C7orf78: variants seen among roughly 807,000 people sequenced by gnomAD.
The protein encoded by C7orf78 is chromosome 7 open reading frame 78, also known as putative uncharacterized protein C7orf78.
the C7orf78 span, among the ~76,000 whole-genome samples, chr7:12,538,725 G>C: frequency 1.2e-4 from 18 of 152,054 alleles, 1 homozygote. Flanking sequence ...AATTCACTGT[G>C]TTTACAGAAC....
chr7:12,523,535 A>G, the C7orf78 span: 1 of 395,220 alleles, frequency 2.5e-6, no homozygotes, highest in Non-Finnish European at 4.5e-6. Flanking sequence ...GGAAAATGGT[A>G]TGTGTATATA....
the C7orf78 span, chr7:12,523,049 A>T: frequency 2.5e-6 from 1 of 398,300 alleles, no homozygotes; most frequent in African/African-American, 2.1e-5. Context: ...TATTGCAAAG[A>T]GGCTGCAATA....
the C7orf78 span, among the ~76,000 whole-genome samples, chr7:12,540,635 A>G: frequency 1.3e-5 from 2 of 152,232 alleles, no homozygotes; most frequent in Non-Finnish European, 1.5e-5. Flanking sequence ...TTGCATGTGC[A>G]TGCTTTCTGG....
At chr7:12,484,806 T>G in the C7orf78 span, among the ~76,000 whole-genome samples, 1 of 152,120 alleles carries the variant, frequency 6.6e-6, no homozygotes, top group South Asian at 2.1e-4. Context: ...GCTTTCTACT[T>G]TTGTCTGCTT....
At chr7:12,514,149 A>C in the C7orf78 span, among the ~76,000 whole-genome samples, 522 of 152,222 alleles carry the variant, frequency 3.4e-3, 1 homozygote, top group Non-Finnish European at 4.8e-3. Flanking sequence ...TGGGGTGTTC[A>C]AGTATCCCAC....
chr7:12,505,513 C>G, the C7orf78 span, among the ~76,000 whole-genome samples: 6 of 152,158 alleles, frequency 3.9e-5, no homozygotes, highest in Non-Finnish European at 7.4e-5. Flanking sequence ...TTGGAGGCAG[C>G]ATTTAAACTG....
At chr7:12,535,930 G>A in the C7orf78 span, among the ~76,000 whole-genome samples, 1 of 152,234 alleles carries the variant, frequency 6.6e-6, no homozygotes, top group Non-Finnish European at 1.5e-5. Flanking sequence ...GACTTGGGCA[G>A]CTCCACTCCT....
At chr7:12,514,400 T>A in the C7orf78 span, among the ~76,000 whole-genome samples, 1 of 152,120 alleles carries the variant, frequency 6.6e-6, no homozygotes, top group Non-Finnish European at 1.5e-5. Flanking sequence ...ATAGAATATC[T>A]TTTCCCATAC....
chr7:12,491,325 C>G, the C7orf78 span: 2 of 152,096 alleles, frequency 1.3e-5, no homozygotes, highest in Non-Finnish European at 2.9e-5. Context: ...CACTCCTTTA[C>G]GTCAAAATAA....
the C7orf78 span, among the ~76,000 whole-genome samples, chr7:12,535,711 G>T: frequency 2.0e-5 from 3 of 152,224 alleles, no homozygotes; most frequent in African/African-American, 7.2e-5. Flanking sequence ...TCAAAAGCAA[G>T]TTAGTTACTT....
the C7orf78 span, among the ~76,000 whole-genome samples, chr7:12,524,115 A>T: frequency 6.6e-6 from 1 of 152,198 alleles, no homozygotes; most frequent in African/African-American, 2.4e-5. Flanking sequence ...GAAAATGTAG[A>T]ATAGTAGTTA....
chr7:12,541,503 T>C, the C7orf78 span: 2 of 152,170 alleles, frequency 1.3e-5, no homozygotes, highest in South Asian at 4.1e-4. Flanking sequence ...AATGGGGCAC[T>C]TTCCCAGAGG....
the C7orf78 span, among the ~76,000 whole-genome samples, chr7:12,489,944 T>C: frequency 6.6e-6 from 1 of 152,172 alleles, no homozygotes; most frequent in Non-Finnish European, 1.5e-5. Context: ...CTAAAAGCCA[T>C]GATTGGTGTA....
chr7:12,516,120 C>G, the C7orf78 span, among the ~76,000 whole-genome samples: 1 of 152,172 alleles, frequency 6.6e-6, no homozygotes, highest in Non-Finnish European at 1.5e-5. Flanking sequence ...ATCACAGGCC[C>G]AGAGACCTAA....
At chr7:12,499,915 T>G in the C7orf78 span, among the ~76,000 whole-genome samples, 111,225 of 117,254 alleles carry the variant, frequency 0.95, 52,881 homozygotes, top group East Asian at 1. Flanking sequence ...TAGAACTCAG[T>G]ATTAAGAATC....
chr7:12,496,033 C>A, the C7orf78 span, among the ~76,000 whole-genome samples: 6 of 152,084 alleles, frequency 3.9e-5, no homozygotes, highest in Admixed American at 3.3e-4. Flanking sequence ...TCACGCCATT[C>A]TCTTGCCTCA....
At chr7:12,487,078 T>C in the C7orf78 span, 1 of 152,028 alleles carries the variant, frequency 6.6e-6, no homozygotes. Flanking sequence ...TTAGGTAAGT[T>C]ACCTAACATC....
At chr7:12,539,413 G>A in the C7orf78 span, among the ~76,000 whole-genome samples, 1 of 152,010 alleles carries the variant, frequency 6.6e-6, no homozygotes, top group African/African-American at 2.4e-5. Flanking sequence ...GCAGTGAACC[G>A]AGATCCCACC....
At chr7:12,539,990 T>G in the C7orf78 span, among the ~76,000 whole-genome samples, 1 of 152,266 alleles carries the variant, frequency 6.6e-6, no homozygotes, top group African/African-American at 2.4e-5. Context: ...AAATGTAAGC[T>G]TCAAGCTTTA....
Sources: gnomAD v4.1 joint callset for allele counts (sites outside exome capture counted in the v4.1 genomes callset) on GRCh38, gnomAD v4.1.1 for gene constraint, MANE v1.5 for transcripts, NCBI Gene and HGNC (gene_info 2026-07-23, HGNC 2026-07-21) for gene names.